The following CACNA2D4 variants were observed in gnomAD, a reference collection of about 807,000 sequenced individuals.
The protein encoded by CACNA2D4 is calcium voltage-gated channel auxiliary subunit alpha2delta 4.
A neutral mutation model predicts 163.8 loss-of-function variants in CACNA2D4; 157 were observed. The observed-to-expected ratio is 0.96, with a 90% CI of 0.84 to 1.09. CACNA2D4 has a LOEUF of 1.09. Among genes scored for constraint, CACNA2D4 ranks in the 50% least tolerant of loss-of-function variants. The pLI, the probability that CACNA2D4 is intolerant of heterozygous loss-of-function variation, is 0.00. For synonymous variants in CACNA2D4, 598 were observed against 586.9 expected (o/e 1.02, Z -0.27); for missense variants, 1,410 against 1,479.9 (o/e 0.95, Z 0.78).
chr12:1,901,047 A>C (rs940185642), intron 6 of CACNA2D4, among the ~76,000 whole-genome samples: 3 of 152,310 alleles, frequency 2.0e-5, no homozygotes, highest in East Asian at 3.9e-4. Context: ...AAGAAGAGGA[A>C]TTTTGAAAAC....
At chr12:1,910,119 C>T (rs755138615) in intron 3 of CACNA2D4, among the ~76,000 whole-genome samples, 154 bp from the exon 4 acceptor site, 4 of 152,206 alleles carry the variant, frequency 2.6e-5, no homozygotes, top group South Asian at 2.1e-4. Flanking sequence ...AACTTAGGAA[C>T]GAATATTCAC....
Position 1,828,206 on chromosome 12 carries a change from CAA to C in CACNA2D4, c.2551+12531_2551+12532del. On this transcript the variant is annotated intron_variant, in intron 26 of 37. Transcript: ENST00000382722. This position sits in a 1 kb window ranked among gnomAD's most constrained non-coding sequence, Gnocchi z 4.2. ...GGGCAGGCTCGCCCTGCAGTGGAGGCAAGTCTCCTGTGAGTACACCCCTGGCC... is the reference window on the plus strand; with the variant it reads ...GGGCAGGCTCGCCCTGCAGTGGAGGCGTCTCCTGTGAGTACACCCCTGGCC... 1 of 1,545,572 alleles carries C rather than the reference CAA, an allele frequency of 6.5e-7. No homozygotes were observed. Among genetic ancestry groups the C allele is most frequent in the Non-Finnish European group, 8.7e-7 (1 of 1,144,586 alleles).
At chr12:1,890,232 A>G (rs1866246422) in intron 6 of CACNA2D4, among the ~76,000 whole-genome samples, 1 of 152,088 alleles carries the variant, frequency 6.6e-6, no homozygotes, top group Admixed American at 6.6e-5. Context: ...CTCACACTGG[A>G]TCTCATACAC....
Position 1,846,689 on chromosome 12 carries a change from C to A in CACNA2D4, c.2247G>T (p.Glu749Asp), listed in dbSNP as rs1314490125. 3.1e-6 allele frequency: 5 copies of A among 1,593,918 alleles called. No homozygotes were observed. In the African/African-American group the frequency reaches 4.0e-5, roughly 13 times the overall value. The change falls in exon 24 of 38, where the codon GAG (glutamate) becomes GAT (aspartate). Residue 749 changes from glutamate (E) to aspartate (D), a missense_variant and splice_region_variant. Coordinates refer to ENST00000382722, the MANE Select transcript of CACNA2D4 (RefSeq NM_172364.5). ...CCATGTCCACCACGTGTTCAGACTC[C>A]CTGTGTGGCAGACAGAGCGGGAATG... ...YWTALALNMSEESEHVVDMAF... is the reference protein window; with the variant it reads ...YWTALALNMSDESEHVVDMAF...
intron 26 of CACNA2D4, among the ~76,000 whole-genome samples, chr12:1,837,468 G>C (rs1864906334): frequency 6.6e-6 from 1 of 152,160 alleles, no homozygotes. Flanking sequence ...AAGAGCATGA[G>C]ACTCTGGGGT....
rs1565728652 is a variant in CACNA2D4, at chr12:1,884,751, A to C, written c.1272+17T>G. 2 of 1,561,626 alleles carry C rather than the reference A, an allele frequency of 1.3e-6. No homozygotes were observed. Among genetic ancestry groups the C allele is most frequent in the Non-Finnish European group, 1.8e-6 (2 of 1,134,472 alleles). ...AGGAGAAGCTTTTTTCTCCCTGGAC[A>C]CCCGTGGGAGGGTCACCTTACAGTC... On this transcript the variant is annotated intron_variant, in intron 11 of 37. Coordinates refer to ENST00000382722, the MANE Select transcript of CACNA2D4 (RefSeq NM_172364.5).
At chr12:1,870,510 G>A in intron 18 of CACNA2D4, among the ~76,000 whole-genome samples, 1 of 151,850 alleles carries the variant, frequency 6.6e-6, no homozygotes. Flanking sequence ...AGACTGGGGA[G>A]TGCCCTTTGG....
rs1204716026 is a variant in CACNA2D4, at chr12:1,792,204, T to C, written c.*1451A>G. ...ATGTAAACCTTAGCTGTTCTAGCATTATTCTGCCACTTAAGCTGTCTTCGA... is the reference window on the plus strand; with the variant it reads ...ATGTAAACCTTAGCTGTTCTAGCATCATTCTGCCACTTAAGCTGTCTTCGA... On this transcript the variant is annotated 3_prime_UTR_variant, in exon 38 of 38. Coordinates refer to ENST00000382722, the MANE Select transcript of CACNA2D4 (RefSeq NM_172364.5). 6.9e-6 allele frequency: 1 copy of C among 144,228 alleles called. No homozygotes were observed. The highest frequency in any genetic ancestry group is 1.6e-5 in the Non-Finnish European group (1 of 64,044). The allele number at this position is 144,228 out of a possible 1,614,324, so 8.9% of individuals were successfully genotyped here.
At chr12:1,852,557 A>G (rs539674573) in intron 23 of CACNA2D4, among the ~76,000 whole-genome samples, 2 of 152,302 alleles carry the variant, frequency 1.3e-5, no homozygotes, top group South Asian at 2.1e-4. Context: ...TGCCTTTTCT[A>G]TATCTTTGGA....
intron 6 of CACNA2D4, among the ~76,000 whole-genome samples, chr12:1,889,205 C>T (rs746614218): frequency 1.3e-5 from 2 of 152,042 alleles, no homozygotes; most frequent in East Asian, 1.9e-4. Flanking sequence ...TACTGAAGTC[C>T]CCACTGTAAA....
At chr12:1,884,206 G>A (rs1488697810) in intron 12 of CACNA2D4, 37 bp downstream of exon 12, 12 of 1,582,158 alleles carry the variant, frequency 7.6e-6, no homozygotes, top group Non-Finnish European at 1.0e-5. Context: ...CTGTGCTCAG[G>A]TGCAGGTGGG....
Position 1,795,725 on chromosome 12 carries a change from G to C in CACNA2D4, c.3169C>G (p.Pro1057Ala). 1 of 1,613,704 alleles carries C rather than the reference G, an allele frequency of 6.2e-7. No homozygotes were observed. The highest frequency in any genetic ancestry group is 8.5e-7 in the Non-Finnish European group (1 of 1,179,716). ...NSNLLLLVTDPTCDCSIFPPV... is the reference protein window; with the variant it reads ...NSNLLLLVTDATCDCSIFPPV... The stretch of plus-strand genomic sequence containing the variant: ...GGGAAGATGCTGCAGTCACAGGTGG[G>C]GTCTGTCACCAGGAGGAGGAGGTTA... Residue 1057 changes from proline (P) to alanine (A), a missense_variant, in exon 36 of 38, where the codon CCC (proline) becomes GCC (alanine). Pro to Ala is a conservative substitution (Grantham distance 27). Transcript: ENST00000382722.
chr12:1,834,885 G>A lies in CACNA2D4; in HGVS notation c.2551+5854C>T, dbSNP rs982020636. On this transcript the variant is annotated intron_variant, in intron 26 of 37. Transcript: ENST00000382722. This position sits in a 1 kb window ranked among gnomAD's most constrained non-coding sequence, Gnocchi z 7.6. ...CACCGGGTTCTCTCCCTGCACTTTC[G>A]AGGCTCCCTGAAAGCCACCGTGCTG... is the stretch of plus-strand genomic sequence containing the variant. 56 of 1,358,028 alleles carry A rather than the reference G, an allele frequency of 4.1e-5. No homozygotes were observed. Among genetic ancestry groups the A allele is most frequent in the Middle Eastern group, 2.7e-4 (1 of 3,728 alleles). The allele number at this position is 1,358,028 out of a possible 1,614,324, so 84.1% of individuals were successfully genotyped here.
intron 9 of CACNA2D4, 88 bp downstream of exon 9, chr12:1,885,877 G>A (rs1470095098): frequency 4.0e-5 from 38 of 958,558 alleles, no homozygotes; most frequent in Non-Finnish European, 6.0e-5. Flanking sequence ...TAAGCAAAAA[G>A]GGCCACAGAA....
chr12:1,830,089 C>T (rs935523722), intron 26 of CACNA2D4, among the ~76,000 whole-genome samples: 19 of 152,220 alleles, frequency 1.2e-4, no homozygotes, highest in South Asian at 4.1e-4. Context: ...TTCTATTCAT[C>T]GGGCCATTGT....
intron 26 of CACNA2D4, among the ~76,000 whole-genome samples, chr12:1,821,225 G>A (rs925136055): frequency 4.6e-5 from 7 of 152,178 alleles, no homozygotes; most frequent in African/African-American, 7.2e-5. Context: ...GGTTGGGATG[G>A]CAGTCAGGTG....
In CACNA2D4 at chr12:1,820,969, C is replaced by T. The variant is rs535843530; in HGVS notation, c.2552-9246G>A. Among the ~76,000 whole-genome samples the T allele has an allele frequency of 2.6e-5, 4 of 152,284 alleles. No homozygotes were observed. Among genetic ancestry groups the T allele is most frequent in the Middle Eastern group, 3.4e-3 (1 of 294 alleles). The stretch of plus-strand genomic sequence containing the variant: ...AATTGCTGGGGCCGAAGAAGCTGCT[C>T]GGGCTCAGGCACCTGAGCATCCCAA... On this transcript the variant is annotated intron_variant, in intron 26 of 37. Coordinates refer to ENST00000382722, the MANE Select transcript of CACNA2D4 (RefSeq NM_172364.5). The surrounding 1 kb of genome is among the most constrained non-coding windows in gnomAD (Gnocchi z 6.0).
intron 29 of CACNA2D4, chr12:1,809,446 C>A: frequency 1.5e-6 from 1 of 678,912 alleles, no homozygotes; most frequent in Non-Finnish European, 2.7e-6. Flanking sequence ...ATGCCCCTTT[C>A]CCCGAGGCTC....
chr12:1,892,957 C>T (rs908235290), intron 6 of CACNA2D4, among the ~76,000 whole-genome samples: 1 of 152,078 alleles, frequency 6.6e-6, no homozygotes, highest in Admixed American at 6.5e-5. Context: ...AATTCTAAAC[C>T]TGTGTGCACC....
Sources: gnomAD v4.1 joint callset for allele counts (sites outside exome capture counted in the v4.1 genomes callset) on GRCh38, gnomAD v4.1.1 for gene constraint, Gnocchi (gnomAD v3.1) non-coding constraint, MANE v1.5 for transcripts, NCBI Gene and HGNC (gene_info 2026-07-23, HGNC 2026-07-21) for gene names.